Variants in ZFYVE9 observed in about 807,000 individuals in gnomAD.
ZFYVE9 encodes the protein zinc finger FYVE-type containing 9.
In ZFYVE9, 43 loss-of-function variants were observed where a neutral mutation model predicts 126.7. The ratio of observed to expected loss-of-function variants is 0.34; its 90% CI spans 0.27 to 0.44. The LOEUF is 0.44. Ranked by LOEUF, ZFYVE9 falls within the 20% of genes least tolerant of loss-of-function variation. ZFYVE9 has a pLI of 1.00. For missense variants in ZFYVE9, 1,476 were observed against 1,697.0 expected (o/e 0.87, Z 2.29); for synonymous variants, 521 against 597.4 (o/e 0.87, Z 1.87).
chr1:52,334,947 A>T (rs1056819171), intron 15 of ZFYVE9, 179 bp downstream of exon 15: 1 of 514,396 alleles, frequency 1.9e-6, no homozygotes, highest in Admixed American at 3.6e-5. Flanking sequence ...AGTGGTAGGG[A>T]TACCATGTGA....
chr1:52,333,791 T>TAAA (rs547487941), intron 14 of ZFYVE9, among the ~76,000 whole-genome samples: 1 of 123,004 alleles, frequency 8.1e-6, no homozygotes. Flanking sequence ...CCCTGTCTCT[T>TAAA]AAAAAAAAAA....
intron 13 of ZFYVE9, among the ~76,000 whole-genome samples, chr1:52,332,301 T>C (rs1057468401): frequency 2.6e-5 from 4 of 152,220 alleles, no homozygotes; most frequent in African/African-American, 9.6e-5. Context: ...AAACATAAGT[T>C]AGTAAAATTA....
intron 8 of ZFYVE9, 139 bp from the exon 9 acceptor site, chr1:52,278,353 C>A: frequency 9.0e-7 from 1 of 1,108,774 alleles, no homozygotes; most frequent in Non-Finnish European, 1.3e-6. Flanking sequence ...CCAGCAGATA[C>A]AAACCATGCT....
intron 4 of ZFYVE9, among the ~76,000 whole-genome samples, chr1:52,259,146 C>T (rs1336830001): frequency 6.6e-6 from 1 of 152,108 alleles, no homozygotes; most frequent in African/African-American, 2.4e-5. Context: ...TGTCTCTCTC[C>T]TTGGTTTGTA....
chr1:52,331,613 G>A (rs1470939693), intron 13 of ZFYVE9, among the ~76,000 whole-genome samples: 5 of 151,306 alleles, frequency 3.3e-5, no homozygotes, highest in Admixed American at 6.6e-5. Context: ...TTAGCTGGGC[G>A]TGGTAGCAGG....
intron 1 of ZFYVE9, among the ~76,000 whole-genome samples, chr1:52,200,745 T>A (rs1355281182): frequency 6.6e-6 from 1 of 152,230 alleles, no homozygotes; most frequent in Non-Finnish European, 1.5e-5. Flanking sequence ...CCAGTACCAT[T>A]TGTAAAAATA....
intron 1 of ZFYVE9, among the ~76,000 whole-genome samples, chr1:52,185,874 T>G (rs991688418): frequency 5.5e-5 from 8 of 144,608 alleles, no homozygotes; most frequent in Non-Finnish European, 1.1e-4. Flanking sequence ...GAGCCGAGAT[T>G]GCGCCACTGC....
intron 12 of ZFYVE9, among the ~76,000 whole-genome samples, chr1:52,297,792 G>A (rs1470580170): frequency 2.0e-5 from 3 of 151,440 alleles, no homozygotes; most frequent in South Asian, 2.1e-4. Flanking sequence ...GCACGATCTC[G>A]GCTCACTGCA....
intron 13 of ZFYVE9, among the ~76,000 whole-genome samples, chr1:52,306,955 G>A (rs1646090971): frequency 6.6e-6 from 1 of 152,184 alleles, no homozygotes; most frequent in African/African-American, 2.4e-5. Flanking sequence ...TGGGATCCAG[G>A]CTGGTAGTGT....
At chr1:52,305,889 T>C (rs2147844508) in intron 13 of ZFYVE9, among the ~76,000 whole-genome samples, 1 of 152,270 alleles carries the variant, frequency 6.6e-6, no homozygotes, top group African/African-American at 2.4e-5. Context: ...GACACACCAG[T>C]GCCCTGCCGC....
chr1:52,188,916 C>A (rs1407898406), intron 1 of ZFYVE9, among the ~76,000 whole-genome samples: 2 of 151,778 alleles, frequency 1.3e-5, no homozygotes, highest in Non-Finnish European at 2.9e-5. Context: ...TCACCACTGT[C>A]TTATTTTATT....
At chr1:52,344,731 G>A in intron 17 of ZFYVE9, 37 bp from the exon 18 acceptor site, 4 of 1,607,396 alleles carry the variant, frequency 2.5e-6, no homozygotes, top group Non-Finnish European at 3.4e-6. Flanking sequence ...CCAAAATCTA[G>A]GCACAAGTTT....
At chr1:52,183,154 A>G (rs1644730648) in intron 1 of ZFYVE9, among the ~76,000 whole-genome samples, 1 of 152,222 alleles carries the variant, frequency 6.6e-6, no homozygotes, top group South Asian at 2.1e-4. Flanking sequence ...GAGAGGTTTT[A>G]ATGTTTGTTA....
At position 52,326,961 on chromosome 1, in the gene ZFYVE9, G is replaced by A. The variant is rs902950967; in HGVS notation, c.3439-5807G>A. 5.3e-5 allele frequency among the ~76,000 whole-genome samples: 8 copies of A among 151,770 alleles called. No individual in the cohort carries two copies. The East Asian group carries it at 1.4e-3, about 26-fold the overall frequency. ...GTGGATCACCAGGTCAGGAGATAGAGACCATCCTGGCTAACATGGTGAAAC... is the reference window on the plus strand; with the variant it reads ...GTGGATCACCAGGTCAGGAGATAGAAACCATCCTGGCTAACATGGTGAAAC... On this transcript the variant is annotated intron_variant, in intron 13 of 18. Transcript: ENST00000287727.
intron 1 of ZFYVE9, among the ~76,000 whole-genome samples, chr1:52,205,149 A>G (rs1644965677): frequency 7.2e-6 from 1 of 139,456 alleles, no homozygotes; most frequent in Non-Finnish European, 1.5e-5. Flanking sequence ...ATCTGGGTTC[A>G]CTGCAGCCTC....
At chr1:52,314,241 A>T (rs1646162324) in intron 13 of ZFYVE9, among the ~76,000 whole-genome samples, 2 of 152,240 alleles carry the variant, frequency 1.3e-5, no homozygotes. Context: ...AATCTTCCTT[A>T]TATACTTAGG....
chr1:52,212,736 T>C (rs1645039205), intron 1 of ZFYVE9, among the ~76,000 whole-genome samples: 1 of 152,228 alleles, frequency 6.6e-6, no homozygotes, highest in Admixed American at 6.5e-5. Context: ...GGCCTTGGAA[T>C]AAAAGTATGA....
chr1:52,281,912 C>G, intron 10 of ZFYVE9, 96 bp downstream of exon 10: 1 of 1,411,716 alleles, frequency 7.1e-7, no homozygotes, highest in East Asian at 2.3e-5. Context: ...TGGACTTAAG[C>G]ATGGCAGGGG....
rs575688803 is a variant in ZFYVE9 at position 52,230,683 on chromosome 1, G to A, written c.-36-2488G>A. The stretch of plus-strand genomic sequence containing the variant: ...CTCTATCTGTCCCCTTATAAGGGGA[G>A]CCATCACCTTTTCTGGGGGTTCACA... On this transcript the variant is annotated intron_variant, in intron 2 of 18. Transcript: ENST00000287727. Among the ~76,000 whole-genome samples, 7 of 152,168 alleles carry A rather than the reference G, an allele frequency of 4.6e-5. No homozygotes were observed. In the East Asian group the frequency reaches 1.2e-3, roughly 25 times the overall value.
Sources: gnomAD v4.1 joint callset for allele counts (sites outside exome capture counted in the v4.1 genomes callset) on GRCh38, gnomAD v4.1.1 for gene constraint, MANE v1.5 for transcripts, NCBI Gene and HGNC (gene_info 2026-07-23, HGNC 2026-07-21) for gene names.